Variants in HYLS1 observed in about 807,000 individuals in gnomAD.
HYLS1 encodes centriolar and ciliogenesis-associated protein HYLS1.
A neutral mutation model predicts 29.4 loss-of-function variants in HYLS1; 25 were observed. The ratio of observed to expected loss-of-function variants is 0.85; its 90% CI spans 0.62 to 1.19. HYLS1 has a LOEUF of 1.19. Among genes scored for constraint, HYLS1 ranks in the 50% most tolerant of loss-of-function variants. The probability of loss-of-function intolerance (pLI) is 0.00; values close to 1 mark genes in which losing one functional copy is unlikely to be tolerated. For missense variants in HYLS1, 352 were observed against 365.1 expected (o/e 0.96, Z 0.29); for synonymous variants, 128 against 126.7 (o/e 1.01, Z -0.07).
chr11:125,889,541 C>T (rs1161122241), intron 1 of HYLS1, among the ~76,000 whole-genome samples: 2 of 152,034 alleles, frequency 1.3e-5, no homozygotes, highest in Non-Finnish European at 2.9e-5. Context: ...TGAAACCAGC[C>T]TGGCCAACAT....
At chr11:125,894,411 A>G (rs1944512840) in intron 2 of HYLS1, 9 of 688,060 alleles carry the variant, frequency 1.3e-5, no homozygotes, top group Admixed American at 5.5e-5. Context: ...AATATTGCCT[A>G]ATAGCTGAGA....
rs1211996582 is a variant in HYLS1, at chr11:125,899,510, TATG to T, written c.145_147del (p.Asp49del). 3 of 1,614,142 alleles carry T rather than the reference TATG, an allele frequency of 1.9e-6. No homozygotes were observed. The East Asian group carries it at 6.7e-5, about 36-fold the overall frequency. On this transcript the variant is annotated inframe_deletion, in exon 3 of 3. Transcript: ENST00000425380. Reference sequence around the variant, plus strand: ...CAGGAGAGAAGCCCAATCTATCCAATATGATCCCTACAGTAAAGCTTCAGTAGC... The same window carrying T: ...CAGGAGAGAAGCCCAATCTATCCAATATCCCTACAGTAAAGCTTCAGTAGC...
Position 125,899,879 on chromosome 11 carries a change from T to C in HYLS1, c.511T>C (p.Ser171Pro). 2 of 1,614,206 alleles carry C rather than the reference T, an allele frequency of 1.2e-6. No homozygotes were observed. Among genetic ancestry groups the C allele is most frequent in the African/African-American group, 1.3e-5 (1 of 75,046 alleles). ...QGISQDQLICSLQREGMGSPA... is the reference protein window; with the variant it reads ...QGISQDQLICPLQREGMGSPA... ...AATTTCTCAAGATCAGCTCATTTGCTCTCTACAAAGAGAAGGAATGGGCTC... is the reference window on the plus strand; with the variant it reads ...AATTTCTCAAGATCAGCTCATTTGCCCTCTACAAAGAGAAGGAATGGGCTC... The change falls in exon 3 of 3, where the codon TCT becomes CCT. Residue 171 changes from serine to proline, a missense_variant. Transcript: ENST00000425380.
At chr11:125,893,154 G>T (rs1944460521) in intron 2 of HYLS1, among the ~76,000 whole-genome samples, 1 of 152,128 alleles carries the variant, frequency 6.6e-6, no homozygotes, top group Admixed American at 6.5e-5. Context: ...GTGCTTTTTA[G>T]ATTTGTAAAG....
chr11:125,893,709 A>G (rs1591497609), intron 2 of HYLS1: 2 of 1,245,510 alleles, frequency 1.6e-6, no homozygotes, highest in East Asian at 5.0e-5. Context: ...TAGTACTTGC[A>G]AGTAAATTTT....
At chr11:125,890,616 C>CCTTTGATTG (rs1380633259) in intron 1 of HYLS1, among the ~76,000 whole-genome samples, 3 of 152,118 alleles carry the variant, frequency 2.0e-5, no homozygotes, top group African/African-American at 7.2e-5. Flanking sequence ...CTAGCTAACC[C>CCTTTGATTG]TAGGATGCTG....
chr11:125,895,256 A>G, intron 2 of HYLS1: 1 of 1,603,546 alleles, frequency 6.2e-7, no homozygotes, highest in Non-Finnish European at 8.5e-7. Flanking sequence ...TTTTCTCTAT[A>G]TTCAGCAGCT....
At position 125,900,433 on chromosome 11, in the gene HYLS1, G is replaced by T; in HGVS notation, c.*165G>T. 1.5e-6 allele frequency: 1 copy of T among 651,032 alleles called. No individual in the cohort carries two copies. The highest frequency in any genetic ancestry group is 2.7e-6 in the Non-Finnish European group (1 of 372,044). 40.3% of individuals were successfully genotyped at this position (651,032 alleles called of 1,614,324 possible). ...GCTATATATCACATTGGTATCAGATGATACTTCCAAATTGCCACTCAAATC... is the reference window on the plus strand; with the variant it reads ...GCTATATATCACATTGGTATCAGATTATACTTCCAAATTGCCACTCAAATC... On this transcript the variant is annotated 3_prime_UTR_variant, in exon 3 of 3. Transcript: ENST00000425380.
chr11:125,886,572 A>AT (rs68098484), upstream of HYLS1, among the ~76,000 whole-genome samples: 219 of 117,400 alleles, frequency 1.9e-3, 1 homozygote, highest in South Asian at 3.9e-3. Context: ...CAAGCACTAG[A>AT]TTTTTTTTTT....
At position 125,899,550 on chromosome 11, in the gene HYLS1, G is replaced by A. The variant is rs752663072; in HGVS notation, c.182G>A (p.Arg61Gln). 8.1e-6 allele frequency: 13 copies of A among 1,614,020 alleles called. No homozygotes were observed. The highest frequency in any genetic ancestry group is 1.6e-4 in the Middle Eastern group (1 of 6,084). The change falls in exon 3 of 3, where the codon CGA (arginine) becomes CAA (glutamine). Residue 61 changes from arginine (R) to glutamine (Q), a missense_variant. Transcript: ENST00000425380. Reference protein sequence around the residue: ...YSKASVAPGKRPALPVQLQYP... With the variant: ...YSKASVAPGKQPALPVQLQYP... The stretch of plus-strand genomic sequence containing the variant: ...AAAGCTTCAGTAGCCCCAGGGAAGC[G>A]ACCTGCTCTTCCTGTGCAACTACAG...
chr11:125,886,191 G>A (rs926066331), upstream of HYLS1, among the ~76,000 whole-genome samples: 1 of 152,170 alleles, frequency 6.6e-6, no homozygotes, highest in Non-Finnish European at 1.5e-5. Flanking sequence ...TATTGCAGAT[G>A]TAGGGGCAGT....
chr11:125,884,526 A>C (rs947138647), upstream of HYLS1, among the ~76,000 whole-genome samples: 6 of 152,126 alleles, frequency 3.9e-5, no homozygotes, highest in Non-Finnish European at 7.4e-5. Context: ...GGAGAATAGC[A>C]TGAACCCGGG....
In HYLS1 at chr11:125,899,616, C is replaced by G. The variant is rs1423406184; in HGVS notation, c.248C>G (p.Ser83Cys). 6.2e-7 allele frequency: 1 copy of G among 1,614,162 alleles called. No individual in the cohort carries two copies. The highest frequency in any genetic ancestry group is 1.3e-5 in the African/African-American group (1 of 75,044). Residue 83 changes from serine (S) to cysteine (C), a missense_variant, in exon 3 of 3, where the codon TCT becomes TGT. Transcript: ENST00000425380. ...VESNVPSETVSEASQRLRKPV... is the reference protein window; with the variant it reads ...VESNVPSETVCEASQRLRKPV... ...AGTAATGTCCCTTCAGAAACAGTCTCTGAGGCCTCCCAAAGACTCCGAAAG... is the reference window on the plus strand; with the variant it reads ...AGTAATGTCCCTTCAGAAACAGTCTGTGAGGCCTCCCAAAGACTCCGAAAG...
chr11:125,885,834 C>T (rs964010477), upstream of HYLS1, among the ~76,000 whole-genome samples: 9 of 152,252 alleles, frequency 5.9e-5, no homozygotes, highest in South Asian at 2.1e-4. Flanking sequence ...CTCACAAGAG[C>T]GTGAACCCTA....
In HYLS1 at chr11:125,900,268, A is replaced by C; in HGVS notation, c.900A>C (p.Ter300TyrextTer11). Reference protein sequence around the residue: ...RKLPFPLSPS* With the variant: ...RKLPFPLSPSY ...TTCCCTTCCCTCTTTCTCCTTCTTA[A>C]ATCTTTTTAAACTTCTTTCACAGGA... The change falls in exon 3 of 3, where the codon TAA (stop) becomes TAC (tyrosine). Residue 300 changes from the stop codon to tyrosine (Y), a stop_lost. Coordinates refer to ENST00000425380, the MANE Select transcript of HYLS1 (RefSeq NM_001134793.2). The C allele has an allele frequency of 6.2e-7, 1 of 1,613,958 alleles. No individual in the cohort carries two copies. Among genetic ancestry groups the C allele is most frequent in the East Asian group, 2.2e-5 (1 of 44,880 alleles).
chr11:125,895,801 G>A (rs370432628), intron 2 of HYLS1: 7 of 1,587,310 alleles, frequency 4.4e-6, no homozygotes, highest in African/African-American at 1.3e-5. Context: ...TGTGGAGTTA[G>A]ACAAAGATAC....
At position 125,887,692 on chromosome 11, in the gene HYLS1, A is replaced by C. The variant is rs1944329859; in HGVS notation, c.-149A>C. 1 of 152,294 alleles carries C rather than the reference A, an allele frequency of 6.6e-6. No individual in the cohort carries two copies. Among genetic ancestry groups the C allele is most frequent in the Non-Finnish European group, 1.5e-5 (1 of 68,068 alleles). 9.4% of individuals were successfully genotyped at this position (152,294 alleles called of 1,614,324 possible). On this transcript the variant is annotated 5_prime_UTR_variant, in exon 1 of 3. Transcript: ENST00000425380. ...CAGTGCGCCTGCGCAAGTTACGCGA[A>C]AGCTAACAGAATCTGCGGTGCTCTG...
rs191710430 is a variant in HYLS1, at chr11:125,891,150, A to G, written c.-75-273A>G. Among the ~76,000 whole-genome samples, 403 of 152,308 alleles carry G rather than the reference A, an allele frequency of 2.6e-3. 1 individual carries two copies. Among genetic ancestry groups the G allele is most frequent in the Non-Finnish European group, 3.8e-3 (261 of 68,014 alleles). ...AGAGCAAGTACTTTTGCAAAGTTGC[A>G]TTTGGGGGCTTCCCATTTGTTCCAC... On this transcript the variant is annotated intron_variant, in intron 1 of 2. Transcript: ENST00000425380.
intron 1 of HYLS1, among the ~76,000 whole-genome samples, chr11:125,888,533 C>T (rs1036186117): frequency 3.3e-5 from 5 of 152,026 alleles, no homozygotes; most frequent in African/African-American, 9.7e-5. Flanking sequence ...CTTTGGGAGG[C>T]CGAGGTGGGC....
Sources: gnomAD v4.1 joint callset for allele counts (sites outside exome capture counted in the v4.1 genomes callset) on GRCh38, gnomAD v4.1.1 for gene constraint, MANE v1.5 for transcripts, NCBI Gene and HGNC (gene_info 2026-07-23, HGNC 2026-07-21) for gene names.